The following TMEM62 variants were observed in gnomAD, a reference collection of about 807,000 sequenced individuals.
TMEM62 encodes the protein transmembrane protein 62.
Under a neutral mutation model 70.4 loss-of-function variants are expected in TMEM62, and 41 were observed. That is an observed-to-expected ratio of 0.58 (90% CI 0.45 to 0.76). TMEM62 has a LOEUF of 0.76. TMEM62 is among the 30% of genes least tolerant of loss of function. The pLI is 0.00. For missense variants in TMEM62, 688 were observed against 788.5 expected (o/e 0.87, Z 1.53); for synonymous variants, 268 against 291.0 (o/e 0.92, Z 0.80).
intron 9 of TMEM62, among the ~76,000 whole-genome samples, chr15:43,159,310 G>T (rs1328885474): frequency 6.6e-6 from 1 of 152,144 alleles, no homozygotes; most frequent in Non-Finnish European, 1.5e-5. Context: ...ACTCTGTTGT[G>T]CTATCAAATA....
intron 10 of TMEM62, among the ~76,000 whole-genome samples, chr15:43,167,342 G>C (rs2039606729): frequency 6.6e-6 from 1 of 152,094 alleles, no homozygotes; most frequent in Admixed American, 6.5e-5. Flanking sequence ...TGGCTGCCGG[G>C]CGGAGGGGCT....
intron 3 of TMEM62, 92 bp from the exon 4 acceptor site, chr15:43,138,482 A>G: frequency 9.5e-7 from 1 of 1,051,798 alleles, no homozygotes; most frequent in Non-Finnish European, 1.4e-6. Flanking sequence ...ATTGTTATAG[A>G]AAGAATTATT....
At position 43,135,709 on chromosome 15, in the gene TMEM62, A is replaced by T. The variant is rs556088089; in HGVS notation, c.430+60A>T. On this transcript the variant is annotated intron_variant, in intron 3 of 13. Coordinates refer to ENST00000260403, the MANE Select transcript of TMEM62 (RefSeq NM_024956.4). ...AGTTTTTTTCCCCCTTCAGGAACCT[A>T]GATTTTCCAACTTAGATTGTAAAAT... is the stretch of plus-strand genomic sequence containing the variant. 8 of 1,506,442 alleles carry T rather than the reference A, an allele frequency of 5.3e-6. No homozygotes were observed. In the South Asian group the frequency reaches 9.8e-5, roughly 18 times the overall value. 93.3% of individuals were successfully genotyped at this position (1,506,442 alleles called of 1,614,324 possible). A position where few individuals can be genotyped will look rare whatever the true frequency, so the allele number is the denominator to read the frequency against.
At chr15:43,158,880 A>G (rs1317694776) in intron 9 of TMEM62, among the ~76,000 whole-genome samples, 1 of 152,208 alleles carries the variant, frequency 6.6e-6, no homozygotes, top group East Asian at 1.9e-4. Context: ...TAAAAAATAT[A>G]TTGATGTATA....
rs374824550 is a variant in TMEM62, at chr15:43,181,305, A to G, written c.1605+6A>G. 9.0e-5 allele frequency: 141 copies of G among 1,565,138 alleles called. 1 individual carries two copies. In the South Asian group the frequency reaches 1.0e-3, roughly 11 times the overall value. On this transcript the variant is annotated splice_donor_region_variant and intron_variant, in intron 13 of 13. Transcript: ENST00000260403. ...TTATAATTGGAATTCTCCAGGTAAG[A>G]AGTCAGAAAAGCAATTTAAGAACAT...
intron 11 of TMEM62, among the ~76,000 whole-genome samples, chr15:43,171,332 T>C (rs1406034471): frequency 1.4e-5 from 2 of 145,798 alleles, no homozygotes; most frequent in Admixed American, 1.4e-4. Flanking sequence ...CGAGACTCTG[T>C]CCTTAAAAAA....
At chr15:43,158,141 T>C (rs1003471507) in intron 9 of TMEM62, among the ~76,000 whole-genome samples, 3 of 152,184 alleles carry the variant, frequency 2.0e-5, no homozygotes, top group Non-Finnish European at 4.4e-5. Context: ...GGTTCTATAA[T>C]TGGTAGTTAG....
At chr15:43,141,244 G>A (rs1484871795) in intron 4 of TMEM62, among the ~76,000 whole-genome samples, 1 of 152,222 alleles carries the variant, frequency 6.6e-6, no homozygotes, top group Non-Finnish European at 1.5e-5. Context: ...AAAGGGCTCT[G>A]TTCCTGGATG....
chr15:43,143,884 T>C (rs2036362324), intron 4 of TMEM62, among the ~76,000 whole-genome samples: 1 of 152,230 alleles, frequency 6.6e-6, no homozygotes, highest in South Asian at 2.1e-4. Flanking sequence ...AGCAAATATT[T>C]ATTGAGAATC....
intron 1 of TMEM62, 58 bp downstream of exon 1, chr15:43,134,040 G>A: frequency 7.0e-7 from 1 of 1,437,786 alleles, no homozygotes; most frequent in Non-Finnish European, 9.1e-7. Flanking sequence ...CGTGCGGTGG[G>A]ACCCTTGCGG....
chr15:43,148,648 C>A, intron 5 of TMEM62, 107 bp from the exon 6 acceptor site: 1 of 1,343,968 alleles, frequency 7.4e-7, no homozygotes, highest in Non-Finnish European at 1.0e-6. Flanking sequence ...AAGGCCTAGA[C>A]ACATATAATA....
chr15:43,134,016 T>G (rs1596166827), intron 1 of TMEM62, 34 bp downstream of exon 1: 1 of 1,436,588 alleles, frequency 7.0e-7, no homozygotes, highest in Non-Finnish European at 9.1e-7. Context: ...GGGAGGCAGG[T>G]GCAGATCGGG....
chr15:43,152,490 G>A (rs2037520953), intron 8 of TMEM62, among the ~76,000 whole-genome samples: 1 of 152,166 alleles, frequency 6.6e-6, no homozygotes, highest in Non-Finnish European at 1.5e-5. Flanking sequence ...TGCCTCCCGA[G>A]TTCAAGCTTT....
chr15:43,181,003 T>C (rs2041278227), intron 12 of TMEM62, 178 bp from the exon 13 acceptor site: 1 of 573,210 alleles, frequency 1.7e-6, no homozygotes, highest in Non-Finnish European at 3.1e-6. Context: ...AAATAGTTGG[T>C]TAGCAAGGAT....
chr15:43,172,678 A>G (rs2040319248), intron 11 of TMEM62, among the ~76,000 whole-genome samples: 1 of 152,212 alleles, frequency 6.6e-6, no homozygotes, highest in African/African-American at 2.4e-5. Flanking sequence ...TTCTGAAGAC[A>G]TTTCTGTTTT....
chr15:43,152,486 C>G (rs939674485), intron 8 of TMEM62, among the ~76,000 whole-genome samples: 2 of 152,158 alleles, frequency 1.3e-5, no homozygotes, highest in African/African-American at 4.8e-5. Flanking sequence ...CCACTGCCTC[C>G]CGAGTTCAAG....
At chr15:43,142,340 A>G (rs1046915149) in intron 4 of TMEM62, among the ~76,000 whole-genome samples, 3 of 151,146 alleles carry the variant, frequency 2.0e-5, no homozygotes, top group Admixed American at 6.6e-5. Context: ...TAATTTTTAT[A>G]TTTTAGTAGA....
chr15:43,134,474 C>A, intron 2 of TMEM62, 106 bp downstream of exon 2: 1 of 833,808 alleles, frequency 1.2e-6, no homozygotes, highest in Non-Finnish European at 2.0e-6. Context: ...AGTATAGCCA[C>A]AGCCCCAGGT....
chr15:43,150,112 T>C (rs1314740098), intron 7 of TMEM62, among the ~76,000 whole-genome samples: 1 of 152,220 alleles, frequency 6.6e-6, no homozygotes, highest in Non-Finnish European at 1.5e-5. Flanking sequence ...GCTGAATATG[T>C]TATCTTTTTA....
Sources: allele counts gnomAD v4.1 joint callset (sites outside exome capture counted in the v4.1 genomes callset), GRCh38; gene constraint gnomAD v4.1.1; transcripts MANE v1.5; gene names NCBI Gene and HGNC (gene_info 2026-07-23, HGNC 2026-07-21).